The following ZC3H4 variants were observed in gnomAD, a reference collection of about 807,000 sequenced individuals.
ZC3H4 encodes the protein zinc finger CCCH domain-containing protein 4.
Under a neutral mutation model 108.3 loss-of-function variants are expected in ZC3H4, and 13 were observed. The observed-to-expected ratio is 0.12, with a 90% CI of 0.08 to 0.19. The LOEUF is 0.19. Ranked by LOEUF, ZC3H4 falls within the 10% of genes least tolerant of loss-of-function variation. The pLI is 1.00. For synonymous variants in ZC3H4, 917 were observed against 749.6 expected, an observed-to-expected ratio of 1.22 and a Z score of -3.65; for missense variants, 1,734 against 1,838.8, an observed-to-expected ratio of 0.94 and a Z score of 1.04.
At position 47,072,516 on chromosome 19, in the gene ZC3H4, A is replaced by C. The variant is rs770091556; in HGVS notation, c.1638T>G (p.Pro546=). ...PMQGGPPPPP[P]PPPPPPGPPQ... ...GGGGCCCGGGCGGTGGGGGAGGGGG[A>C]GGGGGCGGGGGCGGGGGGCCACCCT... The change falls in exon 12 of 15, where the codon CCT becomes CCG. Residue 546 remains proline, a synonymous_variant. Coordinates refer to ENST00000253048, the MANE Select transcript of ZC3H4 (RefSeq NM_015168.2). This position sits in a 1 kb window ranked among gnomAD's most constrained non-coding sequence, Gnocchi z 5.6. 120 of 83,302 alleles carry C rather than the reference A, an allele frequency of 1.4e-3. 1 individual carries two copies. Among genetic ancestry groups the C allele is most frequent in the African/African-American group, 9.8e-3 (27 of 2,752 alleles). 5.2% of individuals were successfully genotyped at this position (83,302 alleles called of 1,614,324 possible).
intron 11 of ZC3H4, among the ~76,000 whole-genome samples, chr19:47,080,530 C>G (rs1432242665): frequency 6.6e-6 from 1 of 152,176 alleles, no homozygotes; most frequent in African/African-American, 2.4e-5. Flanking sequence ...GCGTCTTGCT[C>G]TGTTACCCAG....
In ZC3H4 at chr19:47,081,370, C is replaced by T. The variant is rs574629012; in HGVS notation, c.1440+143G>A. On this transcript the variant is annotated intron_variant, in intron 11 of 14. Coordinates refer to ENST00000253048, the MANE Select transcript of ZC3H4 (RefSeq NM_015168.2). Reference sequence around the variant, plus strand: ...TCCTTGCAGAAGAGGACACAGTGCCCGTGTCCTCCTTAGAATGGCCCAATT... The same window carrying T: ...TCCTTGCAGAAGAGGACACAGTGCCTGTGTCCTCCTTAGAATGGCCCAATT... 485 of 666,362 alleles carry T rather than the reference C, an allele frequency of 7.3e-4. 6 individuals carry two copies. In the South Asian group the frequency reaches 7.4e-3, roughly 10 times the overall value. The allele number at this position is 666,362 out of a possible 1,614,324, so 41.3% of individuals were successfully genotyped here. A position where few individuals can be genotyped will look rare whatever the true frequency, so the allele number is the denominator to read the frequency against.
chr19:47,095,813 C>CA (rs1289886967), intron 2 of ZC3H4, among the ~76,000 whole-genome samples: 2 of 152,170 alleles, frequency 1.3e-5, no homozygotes, highest in Admixed American at 1.3e-4. Flanking sequence ...TGAATGACCA[C>CA]AAAAAGGCTT....
rs1204154238 is a variant in ZC3H4 at position 47,066,489 on chromosome 19, T to C, written c.3779A>G (p.Lys1260Arg). The C allele has an allele frequency of 1.3e-6, 2 of 1,582,506 alleles. No homozygotes were observed. The highest frequency in any genetic ancestry group is 1.2e-5 in the South Asian group (1 of 85,942). ...TCCTGAGCCCGTCTTGGGTGTCTGCTTCACCGTCCCGAAGAGGGTGGGCAC... is the reference window on the plus strand; with the variant it reads ...TCCTGAGCCCGTCTTGGGTGTCTGCCTCACCGTCCCGAAGAGGGTGGGCAC... Reference protein sequence around the residue: ...LPVPTLFGTVKQTPKTGSGSP... With the variant: ...LPVPTLFGTVRQTPKTGSGSP... Residue 1260 changes from lysine to arginine, a missense_variant, in exon 15 of 15, where the codon AAG becomes AGG. Physicochemically the swap from Lys to Arg is conservative, Grantham distance 26. Transcript: ENST00000253048.
At chr19:47,097,519 C>A (rs779807790) in intron 2 of ZC3H4, among the ~76,000 whole-genome samples, 1 of 152,186 alleles carries the variant, frequency 6.6e-6, no homozygotes, top group Non-Finnish European at 1.5e-5. Flanking sequence ...TGCGTGAACA[C>A]GAGGTCTTGA....
rs568217707 is a variant in ZC3H4 at position 47,081,675 on chromosome 19, C to G, written c.1331-53G>C. The G allele has an allele frequency of 4.1e-6, 6 of 1,451,750 alleles. No individual in the cohort carries two copies. The African/African-American group carries it at 8.4e-5, about 20-fold the overall frequency. The allele number at this position is 1,451,750 out of a possible 1,614,324, so 89.9% of individuals were successfully genotyped here. On this transcript the variant is annotated intron_variant, in intron 10 of 14. Transcript: ENST00000253048. ...CATCTCACAGAACGCCCCCCTCCCC[C>G]ACCACAGACCCAAGGCAGAATCCAG...
intron 2 of ZC3H4, among the ~76,000 whole-genome samples, chr19:47,109,051 A>G (rs1328213170): frequency 6.6e-6 from 1 of 152,214 alleles, no homozygotes; most frequent in African/African-American, 2.4e-5. Flanking sequence ...TAAGTGTATA[A>G]TAAGATTTGT....
intron 4 of ZC3H4, among the ~76,000 whole-genome samples, chr19:47,090,750 A>G (rs967252454): frequency 6.6e-6 from 1 of 152,252 alleles, no homozygotes; most frequent in African/African-American, 2.4e-5. Context: ...GTAACGACGA[A>G]TATGTAACAA....
chr19:47,098,424 T>C (rs1015552892), intron 2 of ZC3H4, among the ~76,000 whole-genome samples: 7 of 150,178 alleles, frequency 4.7e-5, no homozygotes, highest in African/African-American at 7.4e-5. Flanking sequence ...GAGGCAGAGA[T>C]TGCAGTAAGC....
chr19:47,085,263 G>A (rs2057598733), intron 7 of ZC3H4, 55 bp downstream of exon 7: 10 of 1,128,746 alleles, frequency 8.9e-6, no homozygotes, highest in African/African-American at 1.9e-5. Context: ...CTAGATTCCA[G>A]CAGCTGCTGG....
rs2057205871 is a variant in ZC3H4, at chr19:47,066,666, G to C, written c.3602C>G (p.Thr1201Arg). 6.2e-7 allele frequency: 1 copy of C among 1,611,740 alleles called. No individual in the cohort carries two copies. The change falls in exon 15 of 15, where the codon ACA (threonine) becomes AGA (arginine). Residue 1201 changes from threonine (T) to arginine (R), a missense_variant. Thr to Arg is a moderately conservative substitution (Grantham distance 71). Transcript: ENST00000253048. ...VRKSALEQPETGKAGADGGTP... is the reference protein window; with the variant it reads ...VRKSALEQPERGKAGADGGTP... ...GCCCCCATCAGCACCGGCCTTCCCT[G>C]TCTCTGGCTGTTCCAGGGCAGACTT...
At position 47,072,538 on chromosome 19, in the gene ZC3H4, C is replaced by T; in HGVS notation, c.1616G>A (p.Gly539Asp). The change falls in exon 12 of 15, where the codon GGT becomes GAT. Residue 539 changes from glycine (G) to aspartate (D), a missense_variant. By Grantham distance (94) the Gly-to-Asp change is moderately conservative. This residue lies in a region of ZC3H4 where 75 missense variants were observed against 85.8 expected (regional missense o/e 0.87). Coordinates refer to ENST00000253048, the MANE Select transcript of ZC3H4 (RefSeq NM_015168.2). The surrounding 1 kb of genome is among the most constrained non-coding windows in gnomAD (Gnocchi z 5.6). ...PTSPNGRPMQ[G>D]GPPPPPPPPP... is the part of the protein sequence containing the mutation. ...GGGAGGGGGCGGGGGCGGGGGGCCA[C>T]CCTGCATGGGCCTGCCGTTGGGAGA... 4 of 1,503,324 alleles carry T rather than the reference C, an allele frequency of 2.7e-6. No individual in the cohort carries two copies. Among genetic ancestry groups the T allele is most frequent in the South Asian group, 1.3e-5 (1 of 78,886 alleles). The allele number at this position is 1,503,324 out of a possible 1,614,324, so 93.1% of individuals were successfully genotyped here. A position where few individuals can be genotyped will look rare whatever the true frequency, so the allele number is the denominator to read the frequency against.
chr19:47,072,317 G>A lies in ZC3H4; in HGVS notation c.1802+35C>T, dbSNP rs765684292. On this transcript the variant is annotated intron_variant, in intron 12 of 14. Coordinates refer to ENST00000253048, the MANE Select transcript of ZC3H4 (RefSeq NM_015168.2). The surrounding 1 kb of genome is among the most constrained non-coding windows in gnomAD (Gnocchi z 5.6). Reference sequence around the variant, plus strand: ...GGAGCCTGGCTGGGCCCAGGACAGCGCCCACTGCCTGTCACGGGGGTCCAG... The same window carrying A: ...GGAGCCTGGCTGGGCCCAGGACAGCACCCACTGCCTGTCACGGGGGTCCAG... The A allele has an allele frequency of 5.3e-5, 85 of 1,596,988 alleles. 1 individual carries two copies. The highest frequency in any genetic ancestry group is 1.9e-4 in the Middle Eastern group (1 of 5,312).
rs770661321 is a variant in ZC3H4 at position 47,067,196 on chromosome 19, C to T, written c.3072G>A (p.Arg1024=). The T allele has an allele frequency of 1.9e-6, 3 of 1,610,658 alleles. No homozygotes were observed. The highest frequency in any genetic ancestry group is 1.3e-5 in the African/African-American group (1 of 74,802). The part of the protein sequence containing the change: ...RAATAGPPNA[R]QRPGASTDSS... Reference sequence around the variant, plus strand: ...AATCCGTGGAGGCGCCCGGGCGCTGCCGGGCGTTGGGGGGCCCTGCCGTGG... The same window carrying T: ...AATCCGTGGAGGCGCCCGGGCGCTGTCGGGCGTTGGGGGGCCCTGCCGTGG... Residue 1024 remains arginine (R), a synonymous_variant, in exon 15 of 15, where the codon CGG becomes CGA. Coordinates refer to ENST00000253048, the MANE Select transcript of ZC3H4 (RefSeq NM_015168.2). This position sits in a 1 kb window ranked among gnomAD's most constrained non-coding sequence, Gnocchi z 6.4.
Position 47,069,335 on chromosome 19 carries a change from C to T in ZC3H4, c.2155G>A (p.Gly719Arg), listed in dbSNP as rs144517416. The change falls in exon 14 of 15, where the codon GGG becomes AGG. Residue 719 changes from glycine (G) to arginine (R), a missense_variant. Around this residue, in one of 9 missense-constraint regions of ZC3H4, gnomAD observed 540 missense variants for 484.1 expected, o/e 1.12. Transcript: ENST00000253048. ...TCCCCTGGCAGCTCTTCGTAGTGCCCGTAGTCCTCTGTGGCAGGGAAGAAC... is the reference window on the plus strand; with the variant it reads ...TCCCCTGGCAGCTCTTCGTAGTGCCTGTAGTCCTCTGTGGCAGGGAAGAAC... ...PGLLGDAEDYGHYEELPGEPG... is the reference protein window; with the variant it reads ...PGLLGDAEDYRHYEELPGEPG... 299 of 1,612,716 alleles carry T rather than the reference C, an allele frequency of 1.9e-4. 2 individuals are homozygous for T. The East Asian group carries it at 5.9e-3, about 32-fold the overall frequency.
rs934812674 is a variant in ZC3H4 at position 47,066,139 on chromosome 19, G to A, written c.*217C>T. On this transcript the variant is annotated 3_prime_UTR_variant, in exon 15 of 15. Coordinates refer to ENST00000253048, the MANE Select transcript of ZC3H4 (RefSeq NM_015168.2). ...TTGCTCAGCAGGAGCCCCTGAGCCCGCCACACTGACCAGAACTTAAGATGG... is the reference window on the plus strand; with the variant it reads ...TTGCTCAGCAGGAGCCCCTGAGCCCACCACACTGACCAGAACTTAAGATGG... 1.4e-4 allele frequency: 60 copies of A among 424,512 alleles called. No homozygotes were observed. Among genetic ancestry groups the A allele is most frequent in the Non-Finnish European group, 2.2e-4 (54 of 244,584 alleles). The allele number at this position is 424,512 out of a possible 1,614,324, so 26.3% of individuals were successfully genotyped here. A position where few individuals can be genotyped will look rare whatever the true frequency, so the allele number is the denominator to read the frequency against.
chr19:47,073,757 C>T (rs574052941), intron 11 of ZC3H4, among the ~76,000 whole-genome samples: 58 of 152,366 alleles, frequency 3.8e-4, no homozygotes, highest in African/African-American at 1.3e-3. Context: ...CTTTCCGTCT[C>T]TGCGGACCTG....
At chr19:47,109,670 T>C (rs2058012205) in intron 2 of ZC3H4, among the ~76,000 whole-genome samples, 1 of 152,188 alleles carries the variant, frequency 6.6e-6, no homozygotes, top group Non-Finnish European at 1.5e-5. Flanking sequence ...GTTGTGAACA[T>C]ATTAAGAGGA....
At chr19:47,112,662 C>T (rs927072993) in intron 1 of ZC3H4, 73 bp from the exon 2 acceptor site, 3 of 1,029,968 alleles carry the variant, frequency 2.9e-6, no homozygotes, top group Non-Finnish European at 2.5e-6. Context: ...CACTTAAGCT[C>T]GGAGGGCTCC....
Sources: allele counts gnomAD v4.1 joint callset (sites outside exome capture counted in the v4.1 genomes callset), GRCh38; gene constraint gnomAD v4.1.1; regional missense constraint gnomAD v4.1.1; non-coding constraint Gnocchi (gnomAD v3.1); transcripts MANE v1.5; gene names NCBI Gene and HGNC (gene_info 2026-07-23, HGNC 2026-07-21).